BACE2: variants seen among roughly 807,000 people sequenced by gnomAD.
BACE2 encodes beta-secretase 2.
In BACE2, 17 loss-of-function variants were observed where a neutral mutation model predicts 46.2. The observed-to-expected ratio is 0.37, with a 90% CI of 0.25 to 0.55. BACE2 has a LOEUF of 0.55. Ranked by LOEUF, BACE2 falls within the 20% of genes least tolerant of loss-of-function variation. BACE2 has a pLI of 0.82. For synonymous variants in BACE2, 277 were observed against 295.9 expected, an observed-to-expected ratio of 0.94 and a Z score of 0.66; for missense variants, 595 against 698.1, an observed-to-expected ratio of 0.85 and a Z score of 1.66.
intron 1 of BACE2, among the ~76,000 whole-genome samples, chr21:41,203,489 G>C (rs1033068156): frequency 6.6e-6 from 1 of 152,100 alleles, no homozygotes; most frequent in Non-Finnish European, 1.5e-5. Flanking sequence ...TGAGGAAGGT[G>C]GGGGAGTGCT....
At chr21:41,215,663 A>G (rs1379867957) in intron 1 of BACE2, among the ~76,000 whole-genome samples, 1 of 152,206 alleles carries the variant, frequency 6.6e-6, no homozygotes, top group Non-Finnish European at 1.5e-5. Flanking sequence ...AGTATCAGGA[A>G]GGAAGCAGGG....
In BACE2 at chr21:41,275,368, C is replaced by T; in HGVS notation, c.1304-3C>T. On this transcript the variant is annotated splice_region_variant and splice_polypyrimidine_tract_variant and intron_variant, in intron 8 of 8. Transcript: ENST00000330333. Reference sequence around the variant, plus strand: ...TGTGGATTTTCCCTTTCTGTCTCCCCAGAAATTGCAGGTGCTGCAGTGTCT... The same window carrying T: ...TGTGGATTTTCCCTTTCTGTCTCCCTAGAAATTGCAGGTGCTGCAGTGTCT... The T allele has an allele frequency of 6.2e-7, 1 of 1,614,038 alleles. No homozygotes were observed. Among genetic ancestry groups the T allele is most frequent in the Non-Finnish European group, 8.5e-7 (1 of 1,179,990 alleles).
At chr21:41,210,683 G>A (rs771398286) in intron 1 of BACE2, among the ~76,000 whole-genome samples, 19 of 152,194 alleles carry the variant, frequency 1.2e-4, no homozygotes, top group Non-Finnish European at 1.5e-4. Flanking sequence ...ACCCCTGACA[G>A]TGGACTGGCT....
At chr21:41,212,165 TGGAAGTCCAAGACCCAG>T (rs1259077476) in intron 1 of BACE2, among the ~76,000 whole-genome samples, 1 of 152,206 alleles carries the variant, frequency 6.6e-6, no homozygotes, top group Non-Finnish European at 1.5e-5. Context: ...TTTTGGGAGC[TGGAAGTCCAAGACCCAG>T]GCACTGGCAG....
At chr21:41,225,960 C>T (rs993848670) in intron 1 of BACE2, among the ~76,000 whole-genome samples, 25 of 152,274 alleles carry the variant, frequency 1.6e-4, no homozygotes, top group African/African-American at 4.1e-4. Context: ...AGAGCTCAGC[C>T]TTGGTTTCAA....
chr21:41,194,281 C>G (rs1985669328), intron 1 of BACE2, among the ~76,000 whole-genome samples: 1 of 152,182 alleles, frequency 6.6e-6, no homozygotes, highest in Non-Finnish European at 1.5e-5. Flanking sequence ...TTTGCCTCTG[C>G]TGTCCATTAG....
intron 1 of BACE2, among the ~76,000 whole-genome samples, chr21:41,169,379 C>A (rs1025929489): frequency 2.0e-5 from 3 of 151,200 alleles, no homozygotes; most frequent in African/African-American, 7.3e-5. Context: ...CTTTCCTTTT[C>A]TCTTACTCTG....
intron 2 of BACE2, chr21:41,229,989 G>A (rs1181703986): frequency 6.6e-6 from 1 of 152,182 alleles, no homozygotes; most frequent in East Asian, 1.9e-4. Flanking sequence ...CCAGTGTCTG[G>A]GGAAAGCCCC....
intron 8 of BACE2, among the ~76,000 whole-genome samples, chr21:41,266,387 T>C (rs1988068232): frequency 6.6e-6 from 1 of 152,198 alleles, no homozygotes; most frequent in African/African-American, 2.4e-5. Flanking sequence ...TGTTGTGAGC[T>C]TATATTTAGA....
intron 1 of BACE2, chr21:41,183,883 C>A (rs1404089924): frequency 1.2e-5 from 2 of 166,978 alleles, no homozygotes; most frequent in Admixed American, 1.3e-4. Context: ...GTGATTCTGG[C>A]CCAGGGGTCA....
intron 1 of BACE2, chr21:41,180,085 G>A: frequency 4.1e-6 from 1 of 242,060 alleles, no homozygotes; most frequent in Non-Finnish European, 8.7e-6. Context: ...CAGCTCAGAG[G>A]CAGTTCTGCA....
In BACE2 at chr21:41,168,181, C is replaced by A; in HGVS notation, c.-83C>A. On this transcript the variant is annotated 5_prime_UTR_variant, in exon 1 of 9. Coordinates refer to ENST00000330333, the MANE Select transcript of BACE2 (RefSeq NM_012105.5). ...GCCCATCCCTGCCCGCAGCCCCGCG[C>A]GCCGGCCGAGTCGCTGAGCCGCGGC... The A allele has an allele frequency of 1.2e-6, 1 of 824,684 alleles. No homozygotes were observed. The highest frequency in any genetic ancestry group is 1.5e-6 in the Non-Finnish European group (1 of 670,608). 51.1% of individuals were successfully genotyped at this position (824,684 alleles called of 1,614,324 possible). A position where few individuals can be genotyped will look rare whatever the true frequency, so the allele number is the denominator to read the frequency against.
Position 41,181,309 on chromosome 21 carries a change from G to A in BACE2, c.312+12734G>A, listed in dbSNP as rs762019058. 9.0e-4 allele frequency: 150 copies of A among 167,064 alleles called. 1 individual carries two copies. The highest frequency in any genetic ancestry group is 2.1e-4 in the Non-Finnish European group (14 of 68,118). The allele number at this position is 167,064 out of a possible 1,614,324, so 10.3% of individuals were successfully genotyped here. A position where few individuals can be genotyped will look rare whatever the true frequency, so the allele number is the denominator to read the frequency against. On this transcript the variant is annotated intron_variant, in intron 1 of 8. Transcript: ENST00000330333. ...CACCAAGAGAAGCCCTGCGGGGTGC[G>A]ATGTTTATACTTCATTGCCAGGTTG...
intron 1 of BACE2, among the ~76,000 whole-genome samples, chr21:41,210,415 A>C (rs1008149411): frequency 7.9e-5 from 12 of 152,176 alleles, no homozygotes; most frequent in Admixed American, 5.2e-4. Context: ...ACAAGATACC[A>C]ACTTATAAGC....
chr21:41,226,298 C>T lies in BACE2; in HGVS notation c.345C>T (p.Asn115=), dbSNP rs1331624876. The T allele has an allele frequency of 1.2e-6, 2 of 1,613,858 alleles. No homozygotes were observed. The highest frequency in any genetic ancestry group is 1.1e-5 in the South Asian group (1 of 91,060). ...LQILVDTGSS[N]FAVAGTPHSY... ...TTCTCGTTGACACTGGAAGCAGTAACTTTGCCGTGGCAGGAACCCCGCACT... is the reference window on the plus strand; with the variant it reads ...TTCTCGTTGACACTGGAAGCAGTAATTTTGCCGTGGCAGGAACCCCGCACT... The change falls in exon 2 of 9, where the codon AAC becomes AAT. Residue 115 remains asparagine (N), a synonymous_variant. Coordinates refer to ENST00000330333, the MANE Select transcript of BACE2 (RefSeq NM_012105.5).
At position 41,168,435 on chromosome 21, in the gene BACE2, G is replaced by A. The variant is rs1377506643; in HGVS notation, c.172G>A (p.Asp58Asn). ...GPGTPAERHA[D>N]GLALALEPAL... ...CGGGACCCCTGCCGAGCGCCACGCC[G>A]ACGGCTTGGCGCTCGCCCTGGAGCC... The change falls in exon 1 of 9, where the codon GAC (aspartate) becomes AAC (asparagine). Residue 58 changes from aspartate (D) to asparagine (N), a missense_variant. By Grantham distance (23) the Asp-to-Asn change is conservative. Coordinates refer to ENST00000330333, the MANE Select transcript of BACE2 (RefSeq NM_012105.5). 2.2e-6 allele frequency: 3 copies of A among 1,393,610 alleles called. No homozygotes were observed. Among genetic ancestry groups the A allele is most frequent in the Non-Finnish European group, 2.8e-6 (3 of 1,071,392 alleles). 86.3% of individuals were successfully genotyped at this position (1,393,610 alleles called of 1,614,324 possible).
At chr21:41,230,275 T>G (rs756874574) in intron 2 of BACE2, 8 of 152,264 alleles carry the variant, frequency 5.3e-5, no homozygotes, top group Non-Finnish European at 1.0e-4. Flanking sequence ...GCTTTGCAGA[T>G]TAAATTCTTA....
At chr21:41,226,933 A>T (rs920975229) in intron 2 of BACE2, among the ~76,000 whole-genome samples, 1 of 152,188 alleles carries the variant, frequency 6.6e-6, no homozygotes, top group African/African-American at 2.4e-5. Flanking sequence ...ATGAGCAATT[A>T]TGGGGTGGAG....
chr21:41,168,561 A>G lies in BACE2; in HGVS notation c.298A>G (p.Thr100Ala). 1.5e-6 allele frequency: 2 copies of G among 1,323,292 alleles called. No homozygotes were observed. Among genetic ancestry groups the G allele is most frequent in the Non-Finnish European group, 1.9e-6 (2 of 1,029,170 alleles). 82.0% of individuals were successfully genotyped at this position (1,323,292 alleles called of 1,614,324 possible). ...RGYYLEMLIG[T>A]PPQKLQILVD... is the part of the protein sequence containing the mutation. ...CTACTACCTGGAGATGCTGATCGGG[A>G]CCCCCCCGCAGAAGGTAGGGACCCC... Residue 100 changes from threonine (T) to alanine (A), a missense_variant, in exon 1 of 9, where the codon ACC (threonine) becomes GCC (alanine). By Grantham distance (58) the Thr-to-Ala change is moderately conservative (BLOSUM62 0). Around this residue, in one of 3 missense-constraint regions of BACE2, gnomAD observed 248 missense variants for 261.4 expected, o/e 0.95. Coordinates refer to ENST00000330333, the MANE Select transcript of BACE2 (RefSeq NM_012105.5).
Sources: gnomAD v4.1 joint callset for allele counts (sites outside exome capture counted in the v4.1 genomes callset) on GRCh38, gnomAD v4.1.1 for gene constraint, gnomAD v4.1.1 regional missense constraint, MANE v1.5 for transcripts, NCBI Gene and HGNC (gene_info 2026-07-23, HGNC 2026-07-21) for gene names.